The following VILL variants were observed in gnomAD, a reference collection of about 807,000 sequenced individuals.
VILL encodes villin-like protein.
VILL carries 102 observed loss-of-function variants against 106.3 expected under a neutral mutation model. That is an observed-to-expected ratio of 0.96 (90% confidence interval 0.82 to 1.13). VILL has a LOEUF of 1.13. Ranked by LOEUF, VILL falls within the 50% of genes most tolerant of loss-of-function variation. The pLI, the probability that VILL is intolerant of heterozygous loss-of-function variation, is 0.00. For missense variants in VILL, 1,076 were observed against 1,116.6 expected, an observed-to-expected ratio of 0.96 and a Z score of 0.52; for synonymous variants, 431 against 440.3, an observed-to-expected ratio of 0.98 and a Z score of 0.27.
At chr3:37,993,848 G>A (rs1559655170) in intron 2 of VILL, 50 bp from the exon 3 acceptor site, 5 of 1,610,992 alleles carry the variant, frequency 3.1e-6, no homozygotes, top group Non-Finnish European at 4.2e-6. Flanking sequence ...CCCAGCGGGT[G>A]TCATGGGTAG....
At chr3:38,001,370 G>C in intron 11 of VILL, 86 bp from the exon 12 acceptor site, 3 of 1,572,350 alleles carry the variant, frequency 1.9e-6, no homozygotes, top group Non-Finnish European at 2.6e-6. Context: ...CTCAGAGGCT[G>C]GGGAGAGCTT....
At chr3:38,006,752 G>C (rs1699937046) in intron 19 of VILL, 52 bp downstream of exon 19, 1 of 1,560,248 alleles carries the variant, frequency 6.4e-7, no homozygotes, top group Admixed American at 1.8e-5. Context: ...CTGAGCTGGA[G>C]GAGCCCAAGG....
Position 37,999,450 on chromosome 3 carries a change from C to T in VILL, c.1182+11C>T. The T allele has an allele frequency of 3.4e-6, 5 of 1,464,630 alleles. No homozygotes were observed. The highest frequency in any genetic ancestry group is 1.5e-5 in the African/African-American group (1 of 67,572). The allele number at this position is 1,464,630 out of a possible 1,614,324, so 90.7% of individuals were successfully genotyped here. A position where few individuals can be genotyped will look rare whatever the true frequency, so the allele number is the denominator to read the frequency against. On this transcript the variant is annotated intron_variant, in intron 11 of 19. Coordinates refer to ENST00000383759, the MANE Select transcript of VILL (RefSeq NM_015873.4). ...TCTGGGAAGGTGGAGGTGAGGGGTA[C>T]TGGGTTAGCTGGGGGAAGATGGGCA...
rs202123182 is a variant in VILL at position 38,005,977 on chromosome 3, G to A, written c.2133+3G>A. 5.0e-6 allele frequency: 8 copies of A among 1,608,350 alleles called. No individual in the cohort carries two copies. The highest frequency in any genetic ancestry group is 1.7e-4 in the Middle Eastern group (1 of 6,040). Reference sequence around the variant, plus strand: ...CTTGGGACCCCTACAAGTGGACTGTGAGTGAGGCCTGAAACCCCCAGCCCT... The same window carrying A: ...CTTGGGACCCCTACAAGTGGACTGTAAGTGAGGCCTGAAACCCCCAGCCCT... On this transcript the variant is annotated splice_donor_region_variant and intron_variant, in intron 17 of 19. Coordinates refer to ENST00000383759, the MANE Select transcript of VILL (RefSeq NM_015873.4).
rs1208004221 is a variant in VILL, at chr3:37,993,734, T to C, written c.60+2T>C. On this transcript the variant is annotated splice_donor_variant, in intron 2 of 19. Transcript: ENST00000383759. LOFTEE classifies it high-confidence loss of function. Reference sequence around the variant, plus strand: ...GGCCTCCACATATGGATCTCTGAGGTGAGAGGCACGACCAAATAGGAGAGT... The same window carrying C: ...GGCCTCCACATATGGATCTCTGAGGCGAGAGGCACGACCAAATAGGAGAGT... 6.2e-7 allele frequency: 1 copy of C among 1,613,880 alleles called. No individual in the cohort carries two copies. The highest frequency in any genetic ancestry group is 8.5e-7 in the Non-Finnish European group (1 of 1,179,890).
At chr3:37,994,878 T>C (rs1354568561) in intron 4 of VILL, among the ~76,000 whole-genome samples, 1 of 152,276 alleles carries the variant, frequency 6.6e-6, no homozygotes, top group African/African-American at 2.4e-5. Flanking sequence ...GATCTTTTTG[T>C]TTTAACACAC....
Position 37,998,952 on chromosome 3 carries a change from T to G in VILL, c.983T>G (p.Val328Gly). 6.2e-7 allele frequency: 1 copy of G among 1,608,610 alleles called. No individual in the cohort carries two copies. Among genetic ancestry groups the G allele is most frequent in the South Asian group, 1.1e-5 (1 of 90,916 alleles). The stretch of plus-strand genomic sequence containing the variant: ...AAGGGCTACCCGACCTACACCAACG[T>G]GGAGGTGGTGAACGACGGCGCCGAG... ...QAKGYPTYTN[V>G]EVVNDGAESA... Residue 328 changes from valine (V) to glycine (G), a missense_variant, in exon 10 of 20, where the codon GTG (valine) becomes GGG (glycine). Physicochemically the swap from Val to Gly is moderately radical, Grantham distance 109. Transcript: ENST00000383759. This position sits in a 1 kb window ranked among gnomAD's most constrained non-coding sequence, Gnocchi z 4.1.
rs776427102 is a variant in VILL at position 37,998,410 on chromosome 3, G to A, written c.942+46G>A. 4.6e-5 allele frequency: 72 copies of A among 1,580,520 alleles called. No homozygotes were observed. The Middle Eastern group carries it at 8.4e-4, about 19-fold the overall frequency. Reference sequence around the variant, plus strand: ...TGAGAGGAACAGAGCACTGCCCTGGGGTCTGAGTGGGGAGGCAGCTCCGCC... The same window carrying A: ...TGAGAGGAACAGAGCACTGCCCTGGAGTCTGAGTGGGGAGGCAGCTCCGCC... On this transcript the variant is annotated intron_variant, in intron 9 of 19. Coordinates refer to ENST00000383759, the MANE Select transcript of VILL (RefSeq NM_015873.4). The surrounding 1 kb of genome is among the most constrained non-coding windows in gnomAD (Gnocchi z 4.1).
chr3:37,995,872 G>T, intron 5 of VILL, 25 bp downstream of exon 5: 1 of 1,600,458 alleles, frequency 6.2e-7, no homozygotes, highest in Non-Finnish European at 8.6e-7. Context: ...GGAGCCTCTT[G>T]ACCTCTGAAC....
Position 37,998,357 on chromosome 3 carries a change from G to T in VILL, c.935G>T (p.Arg312Leu), listed in dbSNP as rs575018901. 3.7e-6 allele frequency: 6 copies of T among 1,614,002 alleles called. No homozygotes were observed. The Admixed American group carries it at 8.3e-5, about 22-fold the overall frequency. The change falls in exon 9 of 20, where the codon CGG becomes CTG. Residue 312 changes from arginine (R) to leucine (L), a missense_variant. Transcript: ENST00000383759. This position sits in a 1 kb window ranked among gnomAD's most constrained non-coding sequence, Gnocchi z 4.1. ...CAGGAGAGAAAGGCTGCCTTCAGCCGGGCTGTGGTGAGCCCTGGGGCTCTG... is the reference window on the plus strand; with the variant it reads ...CAGGAGAGAAAGGCTGCCTTCAGCCTGGCTGTGGTGAGCCCTGGGGCTCTG... ...SLQERKAAFSRAVGFIQAKGY... is the reference protein window; with the variant it reads ...SLQERKAAFSLAVGFIQAKGY...
intron 15 of VILL, 159 bp downstream of exon 15, chr3:38,003,472 C>T (rs1559367536): frequency 8.3e-6 from 8 of 969,600 alleles, no homozygotes; most frequent in South Asian, 1.8e-5. Flanking sequence ...GTACAGCCCA[C>T]GCTTCGCTCC....
At chr3:37,991,629 G>A (rs1230256676) in intron 1 of VILL, among the ~76,000 whole-genome samples, 1 of 152,012 alleles carries the variant, frequency 6.6e-6, no homozygotes, top group Non-Finnish European at 1.5e-5. Context: ...TGGGCATCCG[G>A]AAGAGAAAGG....
chr3:37,994,475 G>T lies in VILL; in HGVS notation c.341+9G>T, dbSNP rs1269825547. 3 of 1,610,388 alleles carry T rather than the reference G, an allele frequency of 1.9e-6. No homozygotes were observed. On this transcript the variant is annotated intron_variant, in intron 4 of 19. Transcript: ENST00000383759. ...TTCCGCCCGGGAATCATGTGAGTGCGGGGGCGACCGGGGCAGGAGGGAGCC... is the reference window on the plus strand; with the variant it reads ...TTCCGCCCGGGAATCATGTGAGTGCTGGGGCGACCGGGGCAGGAGGGAGCC...
At chr3:37,993,566 A>T in intron 1 of VILL, 21 bp from the exon 2 acceptor site, 2 of 1,008,310 alleles carry the variant, frequency 2.0e-6, no homozygotes, top group Non-Finnish European at 3.0e-6. Context: ...CTCCTAATAA[A>T]AGTCATGTTC....
intron 13 of VILL, 155 bp from the exon 14 acceptor site, chr3:38,002,241 C>T: frequency 1.4e-6 from 1 of 696,954 alleles, no homozygotes; most frequent in South Asian, 1.9e-5. Context: ...GCACTCCACA[C>T]TTAGAGGGTC....
chr3:37,988,527 C>T (rs961121651), upstream of VILL, among the ~76,000 whole-genome samples: 1 of 152,132 alleles, frequency 6.6e-6, no homozygotes, highest in Admixed American at 6.5e-5. Flanking sequence ...AGTGGTTGCA[C>T]AACAATATGA....
At chr3:38,003,507 C>G in intron 15 of VILL, 194 bp downstream of exon 15, 1 of 507,686 alleles carries the variant, frequency 2.0e-6, no homozygotes, top group Non-Finnish European at 3.1e-6. Flanking sequence ...TTGCGTCTCT[C>G]AGATGCTGGG....
rs759856414 is a variant in VILL, at chr3:38,001,819, C to T, written c.1438C>T (p.His480Tyr). The change falls in exon 13 of 20, where the codon CAC becomes TAC. Residue 480 changes from histidine to tyrosine, a missense_variant. His to Tyr is a moderately conservative substitution (Grantham distance 83). Coordinates refer to ENST00000383759, the MANE Select transcript of VILL (RefSeq NM_015873.4). The part of the protein sequence containing the change: ...EHVTMGSEPP[H>Y]FLAIFQGQLV... ...TGTGACCATGGGCAGCGAGCCCCCC[C>T]ACTTCCTCGCCATCTTCCAGGGCCA... 3.7e-6 allele frequency: 6 copies of T among 1,614,122 alleles called. No individual in the cohort carries two copies. Among genetic ancestry groups the T allele is most frequent in the Non-Finnish European group, 5.1e-6 (6 of 1,180,050 alleles).
At chr3:37,994,557 A>G in intron 4 of VILL, 91 bp downstream of exon 4, 1 of 1,465,358 alleles carries the variant, frequency 6.8e-7, no homozygotes, top group Non-Finnish European at 9.2e-7. Flanking sequence ...CACATCCCTG[A>G]ATGGGGCAAG....
Sources: gnomAD v4.1 joint callset for allele counts (sites outside exome capture counted in the v4.1 genomes callset) on GRCh38, gnomAD v4.1.1 for gene constraint, Gnocchi (gnomAD v3.1) non-coding constraint, MANE v1.5 for transcripts, NCBI Gene and HGNC (gene_info 2026-07-23, HGNC 2026-07-21) for gene names.